NOTCH3: variants seen among roughly 807,000 people sequenced by gnomAD.
NOTCH3 encodes the protein notch receptor 3.
Under a neutral mutation model 213.3 loss-of-function variants are expected in NOTCH3, and 86 were observed. The observed-to-expected ratio is 0.40, with a 90% CI of 0.34 to 0.48. The LOEUF (loss-of-function observed/expected upper bound fraction) is 0.48, where lower values mean the gene tolerates loss of function less well. NOTCH3 is among the 20% of genes least tolerant of loss of function. The probability of loss-of-function intolerance (pLI) is 0.57; values close to 1 mark genes in which losing one functional copy is unlikely to be tolerated. For missense variants in NOTCH3, 2,783 were observed against 3,272.6 expected, an observed-to-expected ratio of 0.85 and a Z score of 3.65; for synonymous variants, 1,354 against 1,355.9, an observed-to-expected ratio of 1.00 and a Z score of 0.03.
chr19:15,169,282 C>T (rs184823283), intron 28 of NOTCH3, among the ~76,000 whole-genome samples: 1 of 151,926 alleles, frequency 6.6e-6, no homozygotes, highest in African/African-American at 2.4e-5. Context: ...GAGAAGGCGG[C>T]CATCTGCACA....
At position 15,165,695 on chromosome 19, in the gene NOTCH3, A is replaced by G; in HGVS notation, c.5667+92T>C. On this transcript the variant is annotated intron_variant, in intron 30 of 32. Coordinates refer to ENST00000263388, the MANE Select transcript of NOTCH3 (RefSeq NM_000435.3). The surrounding 1 kb of genome is among the most constrained non-coding windows in gnomAD (Gnocchi z 4.7). Reference sequence around the variant, plus strand: ...TATATCCCCATTTTCCAAATGAGAAAAAATGAGTCTGAAAGGCAGAACTGG... The same window carrying G: ...TATATCCCCATTTTCCAAATGAGAAGAAATGAGTCTGAAAGGCAGAACTGG... The G allele has an allele frequency of 6.7e-7, 1 of 1,495,560 alleles. No individual in the cohort carries two copies. The allele number at this position is 1,495,560 out of a possible 1,614,324, so 92.6% of individuals were successfully genotyped here.
rs1304790357 is a variant in NOTCH3, at chr19:15,161,454, C to T, written c.6174G>A (p.Ser2058=). Residue 2058 remains serine (S), a synonymous_variant, in exon 33 of 33, where the codon TCG becomes TCA. Coordinates refer to ENST00000263388, the MANE Select transcript of NOTCH3 (RefSeq NM_000435.3). ...GGGGCCTCCTGCTCTTCTTGGACCC[C>T]GACTGTGCCGCTTTGAGGCCAGGGA... The part of the protein sequence containing the change: ...AFLPGLKAAQ[S]GSKKSRRPPG... 1.2e-5 allele frequency: 19 copies of T among 1,562,088 alleles called. No individual in the cohort carries two copies. The highest frequency in any genetic ancestry group is 1.6e-5 in the Non-Finnish European group (19 of 1,152,760).
chr19:15,161,072 G>C lies in NOTCH3; in HGVS notation c.6556C>G (p.Leu2186Val), dbSNP rs1436065537. The C allele has an allele frequency of 6.5e-7, 1 of 1,541,852 alleles. No individual in the cohort carries two copies. The highest frequency in any genetic ancestry group is 8.7e-7 in the Non-Finnish European group (1 of 1,148,992). The change falls in exon 33 of 33, where the codon CTG (leucine) becomes GTG (valine). Residue 2186 changes from leucine to valine, a missense_variant. Physicochemically the swap from Leu to Val is conservative, Grantham distance 32. Around this residue, in one of 6 missense-constraint regions of NOTCH3, gnomAD observed 441 missense variants for 432.1 expected, o/e 1.02. Coordinates refer to ENST00000263388, the MANE Select transcript of NOTCH3 (RefSeq NM_000435.3). ...TGGGGTCCCGGCGCCAGTGGCAGCA[G>C]GAACGAGGGGCCTGGAGGGGCAGGT... ...PPPAPPGPSF[L>V]LPLAPGPQLL...
intron 28 of NOTCH3, among the ~76,000 whole-genome samples, chr19:15,169,692 G>A (rs1228825330): frequency 2.0e-5 from 3 of 152,154 alleles, no homozygotes; most frequent in Non-Finnish European, 4.4e-5. Flanking sequence ...GCTCAGAACC[G>A]GCTCAGAGCA....
intron 23 of NOTCH3, 56 bp downstream of exon 23, chr19:15,178,764 CCTA>C (rs1478045130): frequency 8.3e-7 from 1 of 1,209,490 alleles, no homozygotes; most frequent in Non-Finnish European, 1.2e-6. Flanking sequence ...ACGCCACGCC[CCTA>C]CTACTCCAGA....
At chr19:15,170,864 T>C (rs757631361) in intron 25 of NOTCH3, 39 bp from the exon 26 acceptor site, 22 of 1,607,456 alleles carry the variant, frequency 1.4e-5, no homozygotes, top group African/African-American at 4.0e-5. Flanking sequence ...GGCTCAAAAA[T>C]TGCCCGATGC....
At position 15,174,571 on chromosome 19, in the gene NOTCH3, A is replaced by ATT. The variant is rs71168591; in HGVS notation, c.4404-173_4404-172dup. ...TGCAAATCTTGCCATTCACTGGATA[A>ATT]TTTTTTTTTTTTTTTTTTGAGACGG... On this transcript the variant is annotated intron_variant, in intron 24 of 32. Transcript: ENST00000263388. Among the ~76,000 whole-genome samples, 55 of 145,540 alleles carry ATT rather than the reference A, an allele frequency of 3.8e-4. 1 individual carries two copies. Among genetic ancestry groups the ATT allele is most frequent in the African/African-American group, 1.3e-3 (52 of 39,526 alleles).
In NOTCH3 at chr19:15,160,639, A is replaced by G; in HGVS notation, c.*23T>C. ...GGACGGGGGTCTCTTTAGGCCCCCA[A>G]GATCTAAGAACTGACGAGCGTCTCA... On this transcript the variant is annotated 3_prime_UTR_variant, in exon 33 of 33. Coordinates refer to ENST00000263388, the MANE Select transcript of NOTCH3 (RefSeq NM_000435.3). 1 of 1,594,936 alleles carries G rather than the reference A, an allele frequency of 6.3e-7. No individual in the cohort carries two copies. The highest frequency in any genetic ancestry group is 8.6e-7 in the Non-Finnish European group (1 of 1,162,538).
chr19:15,192,628 A>C, intron 2 of NOTCH3, 109 bp from the exon 3 acceptor site: 6 of 1,426,404 alleles, frequency 4.2e-6, no homozygotes, highest in Non-Finnish European at 4.8e-6. Context: ...CAGCAAACAC[A>C]CATTTGCTGG....
In NOTCH3 at chr19:15,189,438, G is replaced by T. The variant is rs369070061; in HGVS notation, c.1037-10C>A. 63 of 1,613,398 alleles carry T rather than the reference G, an allele frequency of 3.9e-5. No individual in the cohort carries two copies. Among genetic ancestry groups the T allele is most frequent in the Non-Finnish European group, 5.3e-5 (62 of 1,180,032 alleles). The stretch of plus-strand genomic sequence containing the variant: ...AGGTGACACAGGAGGCCTGGGAAGT[G>T]GTAAGCAGAAGTCATAGGCAGATCT... On this transcript the variant is annotated splice_polypyrimidine_tract_variant and intron_variant, in intron 6 of 32. Transcript: ENST00000263388.
rs1416067858 is a variant in NOTCH3, at chr19:15,192,120, G to A, written c.519C>T (p.Thr173=). 3.1e-6 allele frequency: 5 copies of A among 1,613,000 alleles called. No homozygotes were observed. The Admixed American group carries it at 6.7e-5, about 22-fold the overall frequency. Residue 173 remains threonine (T), a synonymous_variant, in exon 4 of 33, where the codon ACC becomes ACT. Coordinates refer to ENST00000263388, the MANE Select transcript of NOTCH3 (RefSeq NM_000435.3). ...RVGEPCRHGG[T]CLNTPGSFRC... is the part of the protein sequence containing the mutation. ...GGAAGGAGCCAGGTGTGTTGAGGCAGGTGCCACCATGGCGGCAGGGCTCAC... is the reference window on the plus strand; with the variant it reads ...GGAAGGAGCCAGGTGTGTTGAGGCAAGTGCCACCATGGCGGCAGGGCTCAC...
Position 15,187,088 on chromosome 19 carries a change from C to T in NOTCH3, c.1840+17G>A, listed in dbSNP as rs1283359014. The T allele has an allele frequency of 6.2e-7, 1 of 1,611,202 alleles. No homozygotes were observed. The highest frequency in any genetic ancestry group is 1.7e-5 in the Admixed American group (1 of 59,600). On this transcript the variant is annotated intron_variant, in intron 11 of 32. Coordinates refer to ENST00000263388, the MANE Select transcript of NOTCH3 (RefSeq NM_000435.3). ...CCCCTCCAGGTGTGCTGTTTCTGCC[C>T]CAGCCCCCGGTCCCACCTGTGGTCC... is the stretch of plus-strand genomic sequence containing the variant.
rs1467926675 is a variant in NOTCH3 at position 15,200,025 on chromosome 19, G to C, written c.118+763C>G. 6.3e-5 allele frequency among the ~76,000 whole-genome samples: 9 copies of C among 141,792 alleles called. No homozygotes were observed. In the East Asian group the frequency reaches 1.6e-3, roughly 25 times the overall value. The allele number at this position is 141,792 out of a possible 152,430, so 93.0% of individuals were successfully genotyped here. On this transcript the variant is annotated intron_variant, in intron 1 of 32. Transcript: ENST00000263388. ...AGACGGCGCGGCCATTGTCCCGAGCGGGGGAGGGGAGGGAGGAGAGGAGGA... is the reference window on the plus strand; with the variant it reads ...AGACGGCGCGGCCATTGTCCCGAGCCGGGGAGGGGAGGGAGGAGAGGAGGA...
intron 16 of NOTCH3, among the ~76,000 whole-genome samples, chr19:15,183,412 G>A (rs58121923): frequency 0.099 from 15,068 of 151,870 alleles, 2,036 homozygotes; most frequent in African/African-American, 0.31. Context: ...TTGTTTGTTC[G>A]TTTTTGAGAC....
At position 15,179,314 on chromosome 19, in the gene NOTCH3, G is replaced by A. The variant is rs56061231; in HGVS notation, c.3461-32C>T. On this transcript the variant is annotated intron_variant, in intron 21 of 32. Coordinates refer to ENST00000263388, the MANE Select transcript of NOTCH3 (RefSeq NM_000435.3). ...GAAGAAACGAGGGGTGGTCAAGAGG[G>A]AATGAAGACAGCCTCTCATCCTGTC... 1,101,048 of 1,613,464 alleles carry A rather than the reference G, an allele frequency of 0.68. 385,315 individuals are homozygous for A. The highest frequency in any genetic ancestry group is 0.72 in the Non-Finnish European group (850,195 of 1,179,824).
rs1174147667 is a variant in NOTCH3 at position 15,159,176 on chromosome 19, A to G, written c.*1486T>C. 3 of 152,196 alleles carry G rather than the reference A, an allele frequency of 2.0e-5. No homozygotes were observed. Among genetic ancestry groups the G allele is most frequent in the Admixed American group, 2.0e-4 (3 of 15,284 alleles). The allele number at this position is 152,196 out of a possible 1,614,324, so 9.4% of individuals were successfully genotyped here. A position where few individuals can be genotyped will look rare whatever the true frequency, so the allele number is the denominator to read the frequency against. ...AATTAATAAATACCTGTTGATCTCA[A>G]TGGAATGAACACTCAATTAACTGGA... On this transcript the variant is annotated 3_prime_UTR_variant, in exon 33 of 33. Transcript: ENST00000263388.
rs1161697012 is a variant in NOTCH3 at position 15,171,389 on chromosome 19, G to A, written c.4737-564C>T. ...TTTTTTGAGACGGTTTCACTCTGTC[G>A]CCCAGGCTAGAGCACAGTGGCGAAA... On this transcript the variant is annotated intron_variant, in intron 25 of 32. Transcript: ENST00000263388. 2.0e-5 allele frequency among the ~76,000 whole-genome samples: 3 copies of A among 152,018 alleles called. No homozygotes were observed. In the South Asian group the frequency reaches 6.2e-4, roughly 32 times the overall value.
In NOTCH3 at chr19:15,181,146, C is replaced by A. The variant is rs781408452; in HGVS notation, c.2809G>T (p.Gly937Trp). ...GAGTTCACGCCGTCCACACAGGTCCCGCCATTGAAGCAGGAGCTGGAGCGG... is the reference window on the plus strand; with the variant it reads ...GAGTTCACGCCGTCCACACAGGTCCAGCCATTGAAGCAGGAGCTGGAGCGG... ...DCSPSSCFNGGTCVDGVNSFS... is the reference protein window; with the variant it reads ...DCSPSSCFNGWTCVDGVNSFS... Residue 937 changes from glycine (G) to tryptophan (W), a missense_variant, in exon 18 of 33, where the codon GGG becomes TGG. By Grantham distance (184) the Gly-to-Trp change is radical (BLOSUM62 -2). Transcript: ENST00000263388. The A allele has an allele frequency of 6.2e-7, 1 of 1,611,138 alleles. No homozygotes were observed. The highest frequency in any genetic ancestry group is 2.2e-5 in the East Asian group (1 of 44,834).
In NOTCH3 at chr19:15,189,277, A is replaced by G. The variant is rs754001694; in HGVS notation, c.1188T>C (p.Ser396=). 1 of 1,614,064 alleles carries G rather than the reference A, an allele frequency of 6.2e-7. No individual in the cohort carries two copies. The highest frequency in any genetic ancestry group is 1.1e-5 in the South Asian group (1 of 91,088). Residue 396 remains serine, a synonymous_variant, in exon 7 of 33, where the codon TCT becomes TCC. Coordinates refer to ENST00000263388, the MANE Select transcript of NOTCH3 (RefSeq NM_000435.3). ...GACDQDVDEC[S]IGANPCEHLG... is the part of the protein sequence containing the mutation. ...AGACGATGGAGCTCCCCTCACCGAT[A>G]GAGCACTCGTCCACATCCTGGTCAC...
Sources: allele counts gnomAD v4.1 joint callset (sites outside exome capture counted in the v4.1 genomes callset), GRCh38; gene constraint gnomAD v4.1.1; regional missense constraint gnomAD v4.1.1; non-coding constraint Gnocchi (gnomAD v3.1); transcripts MANE v1.5; gene names NCBI Gene and HGNC (gene_info 2026-07-23, HGNC 2026-07-21).